TMEM131L: variants seen among roughly 807,000 people sequenced by gnomAD.
TMEM131L encodes transmembrane 131 like.
A neutral mutation model predicts 192.2 loss-of-function variants in TMEM131L; 54 were observed. The observed-to-expected ratio is 0.28, with a 90% CI of 0.23 to 0.35. The LOEUF is 0.35. Ranked by LOEUF, TMEM131L falls within the 10% of genes least tolerant of loss-of-function variation. The pLI is 1.00. For missense variants in TMEM131L, 1,888 were observed against 1,972.9 expected (o/e 0.96, Z 0.82); for synonymous variants, 701 against 704.9 (o/e 0.99, Z 0.09).
intron 29 of TMEM131L, among the ~76,000 whole-genome samples, chr4:153,624,277 C>T (rs1733673483): frequency 1.3e-5 from 2 of 152,040 alleles, no homozygotes; most frequent in Non-Finnish European, 1.5e-5. Context: ...TGCCACCATG[C>T]CCGTCTAATT....
intron 31 of TMEM131L, among the ~76,000 whole-genome samples, chr4:153,630,971 C>T (rs150537450): frequency 5.8e-4 from 88 of 152,342 alleles, no homozygotes; most frequent in Non-Finnish European, 1.1e-3. Context: ...TCAATCTGCC[C>T]ATCTGTTGCT....
chr4:153,533,281 A>G (rs896428292), intron 3 of TMEM131L, among the ~76,000 whole-genome samples: 3 of 152,128 alleles, frequency 2.0e-5, no homozygotes, highest in Non-Finnish European at 4.4e-5. Context: ...TACCGCACCC[A>G]GCCTCCTTCT....
At position 153,495,141 on chromosome 4, in the gene TMEM131L, C is replaced by G. The variant is rs551698693; in HGVS notation, c.239+21253C>G. ...ATCAGCCTTGCCAACATGCTGAAAC[C>G]CCATCTCTACTAAAAATACAAAAAT... On this transcript the variant is annotated intron_variant, in intron 3 of 34. Transcript: ENST00000409959. Among the ~76,000 whole-genome samples the G allele has an allele frequency of 1.2e-4, 18 of 152,174 alleles. No homozygotes were observed. In the South Asian group the frequency reaches 2.7e-3, roughly 23 times the overall value.
At chr4:153,634,308 C>T (rs759944414) in intron 33 of TMEM131L, 28 bp downstream of exon 33, 3 of 1,533,062 alleles carry the variant, frequency 2.0e-6, no homozygotes, top group Middle Eastern at 1.7e-4. Flanking sequence ...AATCCCAACG[C>T]CATTATTTTA....
intron 3 of TMEM131L, among the ~76,000 whole-genome samples, chr4:153,508,343 G>A (rs1477366227): frequency 6.6e-6 from 1 of 152,174 alleles, no homozygotes; most frequent in Non-Finnish European, 1.5e-5. Context: ...CAAAAATATT[G>A]TGGTGTCCAT....
rs80146219 is a variant in TMEM131L, at chr4:153,615,039, T to C, written c.3567+2639T>C. ...TATGTCTGTCAAAGCAATGCTGTTA[T>C]CACGTTAAGAGCATGCACTTTACAG... On this transcript the variant is annotated intron_variant, in intron 26 of 34. Transcript: ENST00000409959. 9.1e-3 allele frequency among the ~76,000 whole-genome samples: 1,386 copies of C among 152,330 alleles called. 21 individuals are homozygous for C. The highest frequency in any genetic ancestry group is 0.032 in the African/African-American group (1,312 of 41,564).
chr4:153,560,548 A>G (rs1043773122), intron 7 of TMEM131L, among the ~76,000 whole-genome samples: 18 of 152,236 alleles, frequency 1.2e-4, no homozygotes, highest in South Asian at 4.1e-4. Flanking sequence ...GGGTTTTAGT[A>G]TATCCAAAGT....
chr4:153,536,834 G>GA lies in TMEM131L; in HGVS notation c.240-13236dup, dbSNP rs1261055705. ...GGTTGTCTGCAAGCTGAGGAGCAAG[G>GA]AAACCAGTCCGAGTCCCAAAGCTGA... On this transcript the variant is annotated intron_variant, in intron 3 of 34. Transcript: ENST00000409959. Among the ~76,000 whole-genome samples, 17 of 152,054 alleles carry GA rather than the reference G, an allele frequency of 1.1e-4. No individual in the cohort carries two copies. The South Asian group carries it at 3.5e-3, about 32-fold the overall frequency.
chr4:153,608,476 T>C (rs192084843), intron 25 of TMEM131L, among the ~76,000 whole-genome samples: 4 of 152,344 alleles, frequency 2.6e-5, no homozygotes, highest in Admixed American at 2.6e-4. Context: ...ATTAGAGTTA[T>C]GGCTAAAGAC....
At position 153,583,385 on chromosome 4, in the gene TMEM131L, C is replaced by G. The variant is rs182131216; in HGVS notation, c.951+137C>G. 8.4e-4 allele frequency: 638 copies of G among 755,574 alleles called. 5 individuals carry two copies. The highest frequency in any genetic ancestry group is 8.2e-3 in the African/African-American group (468 of 57,350). The allele number at this position is 755,574 out of a possible 1,614,324, so 46.8% of individuals were successfully genotyped here. A position where few individuals can be genotyped will look rare whatever the true frequency, so the allele number is the denominator to read the frequency against. The stretch of plus-strand genomic sequence containing the variant: ...TTGCTTTAATTTAAGCCCATTTGCC[C>G]TTGCTTGAACCTCTGTTTGTATGAA... On this transcript the variant is annotated intron_variant, in intron 10 of 34. Coordinates refer to ENST00000409959, the MANE Select transcript of TMEM131L (RefSeq NM_001131007.2).
At chr4:153,634,360 A>G in intron 33 of TMEM131L, 80 bp downstream of exon 33, 1 of 1,172,752 alleles carries the variant, frequency 8.5e-7, no homozygotes, top group Non-Finnish European at 1.3e-6. Context: ...ACTAAGAAGA[A>G]TCCTTTTAAC....
At chr4:153,498,356 G>A (rs577223816) in intron 3 of TMEM131L, among the ~76,000 whole-genome samples, 368 of 152,318 alleles carry the variant, frequency 2.4e-3, no homozygotes, top group African/African-American at 8.6e-3. Context: ...GCAGAGCCAA[G>A]GAGGGCTGAG....
intron 23 of TMEM131L, among the ~76,000 whole-genome samples, chr4:153,602,980 A>C (rs919746898): frequency 6.6e-6 from 1 of 152,218 alleles, no homozygotes; most frequent in Admixed American, 6.5e-5. Flanking sequence ...GTTCATAGGC[A>C]GTCATGGTGG....
At chr4:153,596,471 C>G in intron 20 of TMEM131L, 86 bp downstream of exon 20, 1 of 1,494,694 alleles carries the variant, frequency 6.7e-7, no homozygotes, top group Non-Finnish European at 9.2e-7. Context: ...ACGTTCACTT[C>G]TCAGTCAGAC....
Position 153,621,633 on chromosome 4 carries a change from T to C in TMEM131L, c.3693-50T>C, listed in dbSNP as rs1170302760. 3 of 1,591,982 alleles carry C rather than the reference T, an allele frequency of 1.9e-6. No individual in the cohort carries two copies. In the African/African-American group the frequency reaches 4.0e-5, roughly 21 times the overall value. On this transcript the variant is annotated intron_variant, in intron 27 of 34. Transcript: ENST00000409959. ...GTCATGGAAAGGAAGTCTGCATGTG[T>C]ACATGATAAAATACAGATGTGTTTT...
At chr4:153,596,763 CTT>C (rs1246668952) in intron 20 of TMEM131L, among the ~76,000 whole-genome samples, 1 of 152,206 alleles carries the variant, frequency 6.6e-6, no homozygotes, top group African/African-American at 2.4e-5. Flanking sequence ...TTTGAACAAA[CTT>C]ATATCACTTT....
chr4:153,495,506 A>G (rs1229143004), intron 3 of TMEM131L, among the ~76,000 whole-genome samples: 1 of 152,182 alleles, frequency 6.6e-6, no homozygotes, highest in Non-Finnish European at 1.5e-5. Context: ...ATAGGTGGGT[A>G]AGAGAGAAAA....
intron 7 of TMEM131L, among the ~76,000 whole-genome samples, chr4:153,559,128 A>G (rs929241308): frequency 6.6e-6 from 1 of 152,126 alleles, no homozygotes; most frequent in Non-Finnish European, 1.5e-5. Flanking sequence ...GGTTTTCCTG[A>G]GCCTCTGCTT....
intron 7 of TMEM131L, among the ~76,000 whole-genome samples, chr4:153,560,533 TC>T (rs1347960117): frequency 1.3e-5 from 2 of 152,256 alleles, no homozygotes; most frequent in Non-Finnish European, 2.9e-5. Context: ...AGTGTACCAT[TC>T]AGTGGGTTTT....
Sources: gnomAD v4.1 joint callset for allele counts (sites outside exome capture counted in the v4.1 genomes callset) on GRCh38, gnomAD v4.1.1 for gene constraint, MANE v1.5 for transcripts, NCBI Gene and HGNC (gene_info 2026-07-23, HGNC 2026-07-21) for gene names.